The following RAD54L2 variants were observed in gnomAD, a reference collection of about 807,000 sequenced individuals.
RAD54L2 encodes the protein RAD54 like 2, also known as helicase ARIP4.
RAD54L2 carries 27 observed loss-of-function variants against 138.4 expected under a neutral mutation model. The ratio of observed to expected loss-of-function variants is 0.20; its 90% CI spans 0.14 to 0.27. RAD54L2 has a LOEUF of 0.27. Among genes scored for constraint, RAD54L2 ranks in the 10% least tolerant of loss-of-function variants. The pLI is 1.00. For synonymous variants in RAD54L2, 644 were observed against 723.2 expected (o/e 0.89, Z 1.76); for missense variants, 1,396 against 1,890.2 (o/e 0.74, Z 4.85).
At chr3:51,656,204 G>A in intron 20 of RAD54L2, 34 bp downstream of exon 20, 1 of 1,518,460 alleles carries the variant, frequency 6.6e-7, no homozygotes, top group Non-Finnish European at 8.9e-7. Flanking sequence ...CAGAGCTGCT[G>A]TCCCTTTTAA....
chr3:51,636,917 T>C (rs1241457142), intron 10 of RAD54L2, among the ~76,000 whole-genome samples: 1 of 151,860 alleles, frequency 6.6e-6, no homozygotes, highest in Non-Finnish European at 1.5e-5. Flanking sequence ...TGGACGACAG[T>C]GTGAGACTCT....
intron 3 of RAD54L2, among the ~76,000 whole-genome samples, chr3:51,622,624 T>C (rs1700591598): frequency 6.6e-6 from 1 of 152,154 alleles, no homozygotes; most frequent in South Asian, 2.1e-4. Context: ...GACCCACCCA[T>C]CTGTCCACTT....
At chr3:51,605,633 G>A (rs1054671425) in intron 3 of RAD54L2, among the ~76,000 whole-genome samples, 31 of 151,742 alleles carry the variant, frequency 2.0e-4, no homozygotes. Flanking sequence ...TGTAGTTTTA[G>A]TAGAGACAGG....
At chr3:51,575,650 G>C (rs1157882174) in intron 2 of RAD54L2, among the ~76,000 whole-genome samples, 1 of 152,142 alleles carries the variant, frequency 6.6e-6, no homozygotes, top group Admixed American at 6.6e-5. Flanking sequence ...CTCTCTGTTT[G>C]TCTGTCATTG....
At chr3:51,655,749 C>T (rs904241853) in intron 19 of RAD54L2, among the ~76,000 whole-genome samples, 30 of 152,164 alleles carry the variant, frequency 2.0e-4, no homozygotes, top group African/African-American at 7.2e-4. Flanking sequence ...TCTGATTCTC[C>T]TTAGACTTTG....
At chr3:51,604,068 G>T (rs752922495) in intron 3 of RAD54L2, among the ~76,000 whole-genome samples, 1 of 152,206 alleles carries the variant, frequency 6.6e-6, no homozygotes, top group East Asian at 1.9e-4. Flanking sequence ...GGTGAAAGTA[G>T]TTGGATTCAG....
At chr3:51,576,538 C>G (rs553014456) in intron 2 of RAD54L2, among the ~76,000 whole-genome samples, 1 of 152,166 alleles carries the variant, frequency 6.6e-6, no homozygotes, top group East Asian at 1.9e-4. Context: ...TGTTATTGGT[C>G]TATTGAGGGA....
chr3:51,549,024 G>T (rs1348788669), intron 2 of RAD54L2, among the ~76,000 whole-genome samples: 2 of 151,814 alleles, frequency 1.3e-5, no homozygotes, highest in African/African-American at 4.8e-5. Flanking sequence ...ACACAGTCTT[G>T]CTCAGCTGCC....
At chr3:51,653,309 A>G (rs1701493135) in intron 19 of RAD54L2, among the ~76,000 whole-genome samples, 1 of 152,262 alleles carries the variant, frequency 6.6e-6, no homozygotes, top group Non-Finnish European at 1.5e-5. Context: ...GTGGAGAAAT[A>G]GGAACACTTT....
chr3:51,634,727 G>A (rs143584591), intron 9 of RAD54L2, among the ~76,000 whole-genome samples: 183 of 152,210 alleles, frequency 1.2e-3, no homozygotes, highest in Non-Finnish European at 2.1e-3. Flanking sequence ...CTAATCATTA[G>A]TCACTTCTTT....
At chr3:51,653,853 G>A (rs1362576572) in intron 19 of RAD54L2, among the ~76,000 whole-genome samples, 2 of 152,114 alleles carry the variant, frequency 1.3e-5, no homozygotes, top group Non-Finnish European at 2.9e-5. Flanking sequence ...AATGGGTGCA[G>A]CATACCAACA....
chr3:51,647,883 C>G (rs951271695), intron 19 of RAD54L2, among the ~76,000 whole-genome samples: 1 of 152,218 alleles, frequency 6.6e-6, no homozygotes, highest in South Asian at 2.1e-4. Context: ...GTGATCGACA[C>G]AGAAGACAGG....
intron 19 of RAD54L2, among the ~76,000 whole-genome samples, chr3:51,651,145 ATACTC>A (rs1423384171): frequency 1.3e-5 from 2 of 152,214 alleles, no homozygotes; most frequent in African/African-American, 2.4e-5. Context: ...GCATCAGAGA[ATACTC>A]TAAACACCTC....
intron 2 of RAD54L2, among the ~76,000 whole-genome samples, chr3:51,558,767 G>A (rs934353796): frequency 6.6e-6 from 1 of 151,338 alleles, no homozygotes; most frequent in Non-Finnish European, 1.5e-5. Flanking sequence ...CACCATGCTG[G>A]CACTTCTCTT....
At chr3:51,650,796 G>T (rs922721459) in intron 19 of RAD54L2, among the ~76,000 whole-genome samples, 1 of 152,142 alleles carries the variant, frequency 6.6e-6, no homozygotes, top group Non-Finnish European at 1.5e-5. Flanking sequence ...AATGTGTAGA[G>T]GGATATTTAT....
chr3:51,634,079 T>C, intron 9 of RAD54L2, 44 bp downstream of exon 9: 1 of 1,593,898 alleles, frequency 6.3e-7, no homozygotes, highest in African/African-American at 1.3e-5. Context: ...CCTTTTAGAC[T>C]TCTGTCCGTG....
chr3:51,550,174 T>TG (rs1698802212), intron 2 of RAD54L2, among the ~76,000 whole-genome samples: 1 of 152,146 alleles, frequency 6.6e-6, no homozygotes, highest in Non-Finnish European at 1.5e-5. Flanking sequence ...CCCCTCAGGG[T>TG]GCTCCTGTGC....
rs1311122651 is a variant in RAD54L2, at chr3:51,637,039, A to G, written c.1340-122A>G. The G allele has an allele frequency of 1.2e-6, 1 of 854,040 alleles. No individual in the cohort carries two copies. Among genetic ancestry groups the G allele is most frequent in the East Asian group, 2.7e-5 (1 of 37,410 alleles). 52.9% of individuals were successfully genotyped at this position (854,040 alleles called of 1,614,324 possible). A position where few individuals can be genotyped will look rare whatever the true frequency, so the allele number is the denominator to read the frequency against. ...GGCACCCTCTCACCAAGGGGGGCTG[A>G]CTCTTGCTTTCCTGCTTCCTTCATT... On this transcript the variant is annotated intron_variant, in intron 10 of 22. Transcript: ENST00000684192. This position sits in a 1 kb window ranked among gnomAD's most constrained non-coding sequence, Gnocchi z 5.9.
chr3:51,648,791 C>T (rs1467693169), intron 19 of RAD54L2, among the ~76,000 whole-genome samples: 1 of 152,204 alleles, frequency 6.6e-6, no homozygotes, highest in Non-Finnish European at 1.5e-5. Context: ...AAAACCCCAT[C>T]TGTAGGTCAC....
Sources: allele counts gnomAD v4.1 joint callset (sites outside exome capture counted in the v4.1 genomes callset), GRCh38; gene constraint gnomAD v4.1.1; non-coding constraint Gnocchi (gnomAD v3.1); transcripts MANE v1.5; gene names NCBI Gene and HGNC (gene_info 2026-07-23, HGNC 2026-07-21).